RERE: variants seen among roughly 807,000 people sequenced by gnomAD.
The protein encoded by RERE is arginine-glutamic acid dipeptide repeats protein.
A neutral mutation model predicts 146.1 loss-of-function variants in RERE; 40 were observed. The observed-to-expected ratio is 0.27, with a 90% CI of 0.21 to 0.36. The LOEUF (loss-of-function observed/expected upper bound fraction) is 0.36, where lower values mean the gene tolerates loss of function less well. Ranked by LOEUF, RERE falls within the 10% of genes least tolerant of loss-of-function variation. The pLI is 1.00. For synonymous variants in RERE, 1,003 were observed against 866.0 expected (o/e 1.16, Z -2.78); for missense variants, 1,933 against 2,138.7 (o/e 0.90, Z 1.90).
At chr1:8,618,225 G>T (rs1475579103) in intron 3 of RERE, among the ~76,000 whole-genome samples, 1 of 152,166 alleles carries the variant, frequency 6.6e-6, no homozygotes, top group Non-Finnish European at 1.5e-5. Context: ...ATGGGGCACT[G>T]GACACTTTGT....
intron 11 of RERE, among the ~76,000 whole-genome samples, chr1:8,441,756 TA>T (rs1235553486): frequency 6.6e-6 from 1 of 152,146 alleles, no homozygotes; most frequent in Non-Finnish European, 1.5e-5. Context: ...CTTACGTGTT[TA>T]AAAAAACCAT....
intron 1 of RERE, among the ~76,000 whole-genome samples, chr1:8,687,632 G>C (rs147937960): frequency 6.6e-6 from 1 of 152,186 alleles, no homozygotes; most frequent in African/African-American, 2.4e-5. Flanking sequence ...ACAATACTTG[G>C]GGAGAGTCGT....
At chr1:8,662,519 A>T (rs925551926) in intron 1 of RERE, among the ~76,000 whole-genome samples, 3 of 152,190 alleles carry the variant, frequency 2.0e-5, no homozygotes, top group Non-Finnish European at 4.4e-5. Flanking sequence ...CCATCTTTAC[A>T]AAAGAAAAAT....
At chr1:8,429,534 A>G (rs941077581) in intron 11 of RERE, among the ~76,000 whole-genome samples, 2 of 152,232 alleles carry the variant, frequency 1.3e-5, no homozygotes, top group South Asian at 4.1e-4. Context: ...CCCTATCTGC[A>G]GTAGCAAGAG....
chr1:8,632,235 T>C (rs1288351335), intron 2 of RERE, among the ~76,000 whole-genome samples: 5 of 152,186 alleles, frequency 3.3e-5, no homozygotes, highest in Non-Finnish European at 7.3e-5. Flanking sequence ...GTAGGCTGGG[T>C]GAAAATTCTT....
At chr1:8,520,001 T>G (rs977654156) in intron 7 of RERE, among the ~76,000 whole-genome samples, 2 of 152,180 alleles carry the variant, frequency 1.3e-5, no homozygotes, top group Non-Finnish European at 2.9e-5. Context: ...CAAGCAAAAT[T>G]AACTTAAACG....
chr1:8,596,410 C>T (rs1413233310), intron 4 of RERE, among the ~76,000 whole-genome samples: 1 of 152,228 alleles, frequency 6.6e-6, no homozygotes, highest in African/African-American at 2.4e-5. Context: ...ATCAGTTTCT[C>T]AGACACAAGT....
chr1:8,480,380 C>G (rs1243313174), intron 10 of RERE, among the ~76,000 whole-genome samples: 1 of 149,718 alleles, frequency 6.7e-6, no homozygotes, highest in Admixed American at 6.7e-5. Flanking sequence ...TGTCGTGATC[C>G]GCCCGCCTTG....
chr1:8,755,086 C>T (rs1640609479), intron 1 of RERE, among the ~76,000 whole-genome samples: 1 of 152,248 alleles, frequency 6.6e-6, no homozygotes, highest in African/African-American at 2.4e-5. Flanking sequence ...CAAAGGCTCA[C>T]CTTTGCATGA....
Position 8,638,707 on chromosome 1 carries a change from A to C in RERE, c.326-14327T>G, listed in dbSNP as rs1328892592. On this transcript the variant is annotated intron_variant, in intron 2 of 22. Transcript: ENST00000400908. The stretch of plus-strand genomic sequence containing the variant: ...TAACTTTTACTTGTCCACATTTTTC[A>C]ATTTTATTCCTTGAAAATGTATTAT... Among the ~76,000 whole-genome samples, 3 of 152,214 alleles carry C rather than the reference A, an allele frequency of 2.0e-5. No homozygotes were observed. The East Asian group carries it at 5.8e-4, about 29-fold the overall frequency.
intron 1 of RERE, among the ~76,000 whole-genome samples, chr1:8,754,260 G>T (rs1229557641): frequency 6.7e-6 from 1 of 149,030 alleles, no homozygotes; most frequent in East Asian, 2.0e-4. Flanking sequence ...AGTACTGACT[G>T]AATATTTTAC....
At chr1:8,668,309 C>A (rs1326198290) in intron 1 of RERE, among the ~76,000 whole-genome samples, 1 of 152,146 alleles carries the variant, frequency 6.6e-6, no homozygotes, top group Non-Finnish European at 1.5e-5. Context: ...CCTGAAAATT[C>A]TGTTGTTTAC....
chr1:8,785,136 A>G (rs1377014935), intron 1 of RERE, among the ~76,000 whole-genome samples: 1 of 152,212 alleles, frequency 6.6e-6, no homozygotes, highest in East Asian at 1.9e-4. Flanking sequence ...CTCAAAATAC[A>G]ACACTGTTTT....
chr1:8,445,535 T>A (rs1000874581), intron 11 of RERE, among the ~76,000 whole-genome samples: 4 of 152,168 alleles, frequency 2.6e-5, no homozygotes. Flanking sequence ...TCTACACATG[T>A]AGATGGGCCA....
At chr1:8,562,280 A>T (rs1337870368) in intron 4 of RERE, among the ~76,000 whole-genome samples, 2 of 152,340 alleles carry the variant, frequency 1.3e-5, no homozygotes, top group East Asian at 3.9e-4. Flanking sequence ...GCTTGTCAAG[A>T]ATTTCTCAAC....
intron 1 of RERE, among the ~76,000 whole-genome samples, chr1:8,706,207 C>T (rs1022966234): frequency 1.3e-4 from 19 of 151,694 alleles, no homozygotes; most frequent in East Asian, 1.9e-4. Flanking sequence ...TAGTCCCAGC[C>T]GCTCAGGAGG....
intron 8 of RERE, among the ~76,000 whole-genome samples, chr1:8,498,925 T>G (rs541675795): frequency 6.6e-6 from 1 of 152,154 alleles, no homozygotes; most frequent in East Asian, 1.9e-4. Context: ...AAAGCATACA[T>G]AAGATACGAA....
intron 2 of RERE, among the ~76,000 whole-genome samples, chr1:8,651,882 T>A (rs867197435): frequency 6.6e-6 from 1 of 152,152 alleles, no homozygotes; most frequent in Non-Finnish European, 1.5e-5. Context: ...TATAATGGCA[T>A]GTAGTTCACT....
chr1:8,435,444 C>A (rs1277476554), intron 11 of RERE, among the ~76,000 whole-genome samples: 1 of 152,202 alleles, frequency 6.6e-6, no homozygotes, highest in Non-Finnish European at 1.5e-5. Context: ...ATCACCTGTT[C>A]TCCAGTTTGA....
Sources: gnomAD v4.1 joint callset for allele counts (sites outside exome capture counted in the v4.1 genomes callset) on GRCh38, gnomAD v4.1.1 for gene constraint, MANE v1.5 for transcripts, NCBI Gene and HGNC (gene_info 2026-07-23, HGNC 2026-07-21) for gene names.